The following SMAD4 variants were observed in gnomAD, a reference collection of about 807,000 sequenced individuals.
The protein encoded by SMAD4 is MAD homolog 4.
A neutral mutation model predicts 63.2 loss-of-function variants in SMAD4; 7 were observed. The ratio of observed to expected loss-of-function variants is 0.11; its 90% CI spans 0.06 to 0.21. The LOEUF (loss-of-function observed/expected upper bound fraction) is 0.21, where lower values mean the gene tolerates loss of function less well. Ranked by LOEUF, SMAD4 falls within the 10% of genes least tolerant of loss-of-function variation. The pLI, the probability that SMAD4 is intolerant of heterozygous loss-of-function variation, is 1.00. For missense variants in SMAD4, 312 were observed against 693.8 expected, an observed-to-expected ratio of 0.45 and a Z score of 6.18; for synonymous variants, 215 against 235.4, an observed-to-expected ratio of 0.91 and a Z score of 0.79.
rs1485496954 is a variant in SMAD4 at position 51,083,538 on chromosome 18, A to G, written c.*5071A>G. 4 of 227,100 alleles carry G rather than the reference A, an allele frequency of 1.8e-5. No homozygotes were observed. The highest frequency in any genetic ancestry group is 8.9e-5 in the African/African-American group (4 of 44,728). 14.1% of individuals were successfully genotyped at this position (227,100 alleles called of 1,614,324 possible). On this transcript the variant is annotated 3_prime_UTR_variant, in exon 12 of 12. Coordinates refer to ENST00000342988, the MANE Select transcript of SMAD4 (RefSeq NM_005359.6). The stretch of plus-strand genomic sequence containing the variant: ...ATCATTTCTCTCTGTTGATGTGGAT[A>G]CTTTTCACACCGTTTATTTAAATGC...
rs1199736203 is a variant in SMAD4 at position 51,079,698 on chromosome 18, G to A, written c.*1231G>A. 1 of 233,324 alleles carries A rather than the reference G, an allele frequency of 4.3e-6. No individual in the cohort carries two copies. Among genetic ancestry groups the A allele is most frequent in the Non-Finnish European group, 8.5e-6 (1 of 117,944 alleles). 14.5% of individuals were successfully genotyped at this position (233,324 alleles called of 1,614,324 possible). A position where few individuals can be genotyped will look rare whatever the true frequency, so the allele number is the denominator to read the frequency against. ...AGAGAATTTAAGTAGAAAAGTTGCA[G>A]ATGTATTGACTGTACCACAGACACA... On this transcript the variant is annotated 3_prime_UTR_variant, in exon 12 of 12. Transcript: ENST00000342988.
chr18:51,077,926 A>G (rs1242537745), intron 11 of SMAD4, among the ~76,000 whole-genome samples: 1 of 152,220 alleles, frequency 6.6e-6, no homozygotes, highest in Non-Finnish European at 1.5e-5. Flanking sequence ...ACCTGTGGAC[A>G]CGCACTACCT....
intron 1 of SMAD4, among the ~76,000 whole-genome samples, chr18:51,032,596 T>C (rs953583741): frequency 2.0e-5 from 3 of 152,274 alleles, no homozygotes; most frequent in African/African-American, 7.2e-5. Context: ...TCCCCTTCAG[T>C]TTTTCTTTCT....
At chr18:51,035,139 CTG>C (rs1254555743) in intron 1 of SMAD4, among the ~76,000 whole-genome samples, 5 of 152,198 alleles carry the variant, frequency 3.3e-5, no homozygotes, top group African/African-American at 1.2e-4. Context: ...GCTTCTGTGT[CTG>C]TCTCTTTCTT....
rs1910694473 is a variant in SMAD4 at position 51,084,274 on chromosome 18, T to C, written c.*5807T>C. ...TTGTTAATGCTTAGTGATATTATGC[T>C]CAAAACAAGGAAATTCCCTTGAACC... On this transcript the variant is annotated 3_prime_UTR_variant, in exon 12 of 12. Transcript: ENST00000342988. 4.4e-6 allele frequency: 1 copy of C among 229,062 alleles called. No homozygotes were observed. Among genetic ancestry groups the C allele is most frequent in the Non-Finnish European group, 8.7e-6 (1 of 115,432 alleles). The allele number at this position is 229,062 out of a possible 1,614,324, so 14.2% of individuals were successfully genotyped here. A position where few individuals can be genotyped will look rare whatever the true frequency, so the allele number is the denominator to read the frequency against.
intron 10 of SMAD4, among the ~76,000 whole-genome samples, chr18:51,073,420 C>T (rs1910384907): frequency 1.4e-5 from 2 of 143,436 alleles, no homozygotes; most frequent in Non-Finnish European, 1.5e-5. Context: ...CACACACACA[C>T]ACACACACAC....
chr18:51,068,154 C>G (rs1331985311), intron 10 of SMAD4, among the ~76,000 whole-genome samples: 1 of 152,178 alleles, frequency 6.6e-6, no homozygotes, highest in African/African-American at 2.4e-5. Context: ...GCCTGATTAC[C>G]TCACAACAGC....
At chr18:51,031,202 T>A (rs1909040480) in intron 1 of SMAD4, among the ~76,000 whole-genome samples, 1 of 152,148 alleles carries the variant, frequency 6.6e-6, no homozygotes, top group African/African-American at 2.4e-5. Context: ...AAAACATGCT[T>A]CCTAATAAAA....
chr18:51,065,747 A>C (rs1568208362), intron 9 of SMAD4, 141 bp downstream of exon 9: 1 of 639,134 alleles, frequency 1.6e-6, no homozygotes. Flanking sequence ...GAAAACTCAG[A>C]ATTTGTAAGC....
chr18:51,036,300 T>C (rs1194705067), intron 1 of SMAD4, among the ~76,000 whole-genome samples: 1 of 152,228 alleles, frequency 6.6e-6, no homozygotes, highest in Admixed American at 6.5e-5. Flanking sequence ...GAATGTATGC[T>C]ACTCAGGTCT....
chr18:51,041,925 A>G (rs1909396035), intron 1 of SMAD4, among the ~76,000 whole-genome samples: 1 of 152,206 alleles, frequency 6.6e-6, no homozygotes, highest in Admixed American at 6.5e-5. Context: ...TAGGTTACCT[A>G]TGAACTTTCC....
intron 1 of SMAD4, among the ~76,000 whole-genome samples, chr18:51,035,840 A>T (rs1171006834): frequency 6.6e-6 from 1 of 152,182 alleles, no homozygotes; most frequent in Admixed American, 6.5e-5. Flanking sequence ...TTAAAAAAAT[A>T]AAAATATTTT....
At chr18:51,033,765 G>T (rs1909119762) in intron 1 of SMAD4, among the ~76,000 whole-genome samples, 1 of 152,126 alleles carries the variant, frequency 6.6e-6, no homozygotes, top group Non-Finnish European at 1.5e-5. Flanking sequence ...AGTTTCTCAG[G>T]AACAAGGTAT....
intron 8 of SMAD4, among the ~76,000 whole-genome samples, chr18:51,063,772 C>T (rs1057282342): frequency 6.6e-6 from 1 of 152,136 alleles, no homozygotes; most frequent in African/African-American, 2.4e-5. Context: ...AGTGAAGACA[C>T]TTAGTGTATC....
chr18:51,067,913 A>G (rs1335156996), intron 10 of SMAD4, among the ~76,000 whole-genome samples: 1 of 152,202 alleles, frequency 6.6e-6, no homozygotes, highest in Non-Finnish European at 1.5e-5. Flanking sequence ...ATTTTTCACT[A>G]GTTATATATT....
intron 1 of SMAD4, among the ~76,000 whole-genome samples, chr18:51,038,249 T>TG (rs1491168619): frequency 6.5e-4 from 50 of 77,458 alleles, no homozygotes; most frequent in Non-Finnish European, 1.1e-3. Flanking sequence ...AGAGCGAGAC[T>TG]GTGGGGGGGG....
intron 4 of SMAD4, among the ~76,000 whole-genome samples, chr18:51,050,404 A>G (rs1231727524): frequency 6.6e-6 from 1 of 151,484 alleles, no homozygotes; most frequent in African/African-American, 2.4e-5. Context: ...TCACTCCTGT[A>G]ATCGCAGCAC....
chr18:51,069,515 T>G (rs1038313041), intron 10 of SMAD4, among the ~76,000 whole-genome samples: 1 of 152,256 alleles, frequency 6.6e-6, no homozygotes, highest in Non-Finnish European at 1.5e-5. Flanking sequence ...ACTCATTTTA[T>G]TATTTATTTT....
chr18:51,034,120 A>G (rs1236112886), intron 1 of SMAD4, among the ~76,000 whole-genome samples: 1 of 152,128 alleles, frequency 6.6e-6, no homozygotes, highest in Non-Finnish European at 1.5e-5. Flanking sequence ...CAGTTTGGAA[A>G]ACTTGTAAAT....
Sources: allele counts gnomAD v4.1 joint callset (sites outside exome capture counted in the v4.1 genomes callset), GRCh38; gene constraint gnomAD v4.1.1; transcripts MANE v1.5; gene names NCBI Gene and HGNC (gene_info 2026-07-23, HGNC 2026-07-21).